FREM2: variants seen among roughly 807,000 people sequenced by gnomAD.
The protein encoded by FREM2 is FRAS1 related extracellular matrix 2.
Under a neutral mutation model 219.9 loss-of-function variants are expected in FREM2, and 119 were observed. The ratio of observed to expected loss-of-function variants is 0.54; its 90% CI spans 0.47 to 0.63. FREM2 has a LOEUF of 0.63. FREM2 is among the 30% of genes least tolerant of loss of function. FREM2 has a pLI of 0.00. For missense variants in FREM2, 4,030 were observed against 3,993.6 expected (o/e 1.01, Z -0.25); for synonymous variants, 1,562 against 1,522.8 (o/e 1.03, Z -0.60).
In FREM2 at chr13:38,687,331, C is replaced by G. The variant is rs771813936; in HGVS notation, c.-14C>G. ...GCTCTCAGGCTGACCTGTCCAAGCC[C>G]GAACACCGGGACCATGCACTCAGCC... is the stretch of plus-strand genomic sequence containing the variant. On this transcript the variant is annotated 5_prime_UTR_variant, in exon 1 of 24. Transcript: ENST00000280481. 3 of 1,591,228 alleles carry G rather than the reference C, an allele frequency of 1.9e-6. No individual in the cohort carries two copies. The highest frequency in any genetic ancestry group is 1.7e-4 in the Middle Eastern group (1 of 6,026).
intron 6 of FREM2, among the ~76,000 whole-genome samples, chr13:38,826,776 A>G (rs945543061): frequency 6.6e-6 from 1 of 152,144 alleles, no homozygotes; most frequent in Non-Finnish European, 1.5e-5. Context: ...TATAAAATTT[A>G]CTTTAGTTAG....
chr13:38,691,435 T>C lies in FREM2; in HGVS notation c.4091T>C (p.Ile1364Thr), dbSNP rs1236629587. The C allele has an allele frequency of 1.7e-5, 28 of 1,614,026 alleles. No individual in the cohort carries two copies. The highest frequency in any genetic ancestry group is 2.4e-5 in the Non-Finnish European group (28 of 1,180,032). The change falls in exon 1 of 24, where the codon ATC becomes ACC. Residue 1364 changes from isoleucine (I) to threonine (T), a missense_variant. Ile to Thr is a moderately conservative substitution (Grantham distance 89). Coordinates refer to ENST00000280481, the MANE Select transcript of FREM2 (RefSeq NM_207361.6). ...AAACCTACTGGTGCCTTTGAAAATA[T>C]CACACTGGGCATGAATTTTACCCAG... ...RRKPTGAFEN[I>T]TLGMNFTQDE...
chr13:38,733,692 G>A (rs1012257368), intron 2 of FREM2, among the ~76,000 whole-genome samples: 2 of 151,856 alleles, frequency 1.3e-5, no homozygotes, highest in African/African-American at 4.8e-5. Context: ...ATTTTATTTT[G>A]AGACAGGGTC....
intron 16 of FREM2, among the ~76,000 whole-genome samples, chr13:38,866,035 C>A (rs1021261605): frequency 1.3e-5 from 2 of 152,154 alleles, no homozygotes; most frequent in African/African-American, 4.8e-5. Context: ...TCTCTACTTC[C>A]TTCATGTCTT....
chr13:38,815,396 A>T (rs1261123146), intron 6 of FREM2, among the ~76,000 whole-genome samples: 2 of 152,224 alleles, frequency 1.3e-5, no homozygotes, highest in Non-Finnish European at 2.9e-5. Context: ...AGCTAAAAAA[A>T]TTCAGAAGAT....
chr13:38,690,055 A>G lies in FREM2; in HGVS notation c.2711A>G (p.His904Arg), dbSNP rs1025301678. 11 of 1,613,992 alleles carry G rather than the reference A, an allele frequency of 6.8e-6. No individual in the cohort carries two copies. Among genetic ancestry groups the G allele is most frequent in the East Asian group, 2.2e-5 (1 of 44,872 alleles). Reference sequence around the variant, plus strand: ...AAACAGGGCCGAGTTTCCTATGCCCATAATGGGGACAAGTCCCTGACTGAT... The same window carrying G: ...AAACAGGGCCGAGTTTCCTATGCCCGTAATGGGGACAAGTCCCTGACTGAT... ...DIKQGRVSYA[H>R]NGDKSLTDSC... Residue 904 changes from histidine to arginine, a missense_variant, in exon 1 of 24, where the codon CAT (histidine) becomes CGT (arginine). Transcript: ENST00000280481.
intron 2 of FREM2, among the ~76,000 whole-genome samples, chr13:38,743,424 C>T (rs1242100559): frequency 6.6e-6 from 1 of 151,988 alleles, no homozygotes. Context: ...AGGCCCCCAG[C>T]AGATTTCAAA....
chr13:38,687,662 G>T lies in FREM2; in HGVS notation c.318G>T (p.Ala106=), dbSNP rs1469145913. 1 of 1,605,328 alleles carries T rather than the reference G, an allele frequency of 6.2e-7. No homozygotes were observed. The highest frequency in any genetic ancestry group is 8.5e-7 in the Non-Finnish European group (1 of 1,175,464). The change falls in exon 1 of 24, where the codon GCG becomes GCT. Residue 106 remains alanine, a synonymous_variant. Coordinates refer to ENST00000280481, the MANE Select transcript of FREM2 (RefSeq NM_207361.6). ...AGGTGCAGCCCGGGGACCGCTGCGC[G>T]GTTTCGGTACTAGACAACGACGCAC... The part of the protein sequence containing the change: ...VLQVQPGDRC[A]VSVLDNDALA...
At chr13:38,857,210 A>G (rs529206685) in intron 12 of FREM2, among the ~76,000 whole-genome samples, 6 of 152,334 alleles carry the variant, frequency 3.9e-5, no homozygotes, top group African/African-American at 1.4e-4. Flanking sequence ...TTTTAAAAAT[A>G]TACACGTAAA....
intron 2 of FREM2, among the ~76,000 whole-genome samples, chr13:38,709,882 G>A (rs753334835): frequency 6.6e-6 from 1 of 151,864 alleles, no homozygotes; most frequent in Non-Finnish European, 1.5e-5. Flanking sequence ...GGTGGCTCAT[G>A]CCTATAATCC....
Position 38,689,207 on chromosome 13 carries a change from G to T in FREM2, c.1863G>T (p.Lys621Asn). The T allele has an allele frequency of 6.2e-7, 1 of 1,614,130 alleles. No individual in the cohort carries two copies. The highest frequency in any genetic ancestry group is 1.3e-5 in the African/African-American group (1 of 75,050). The change falls in exon 1 of 24, where the codon AAG (lysine) becomes AAT (asparagine). Residue 621 changes from lysine to asparagine, a missense_variant. Around this residue, in one of 2 missense-constraint regions of FREM2, gnomAD observed 3,102 missense variants for 2,950.7 expected, o/e 1.05. Transcript: ENST00000280481. Reference protein sequence around the residue: ...LLRQTHPPHEKQELLRGLWRK... With the variant: ...LLRQTHPPHENQELLRGLWRK... ...GCCAAACTCACCCTCCCCATGAGAA[G>T]CAGGAACTTCTCAGAGGCCTTTGGA...
intron 6 of FREM2, among the ~76,000 whole-genome samples, chr13:38,801,485 T>C (rs1875004777): frequency 6.6e-6 from 1 of 152,244 alleles, no homozygotes. Context: ...TTTACTTTTT[T>C]AGGTGATGAC....
At chr13:38,792,954 T>G (rs1332403984) in intron 6 of FREM2, among the ~76,000 whole-genome samples, 1 of 152,218 alleles carries the variant, frequency 6.6e-6, no homozygotes, top group Non-Finnish European at 1.5e-5. Flanking sequence ...AGTTTTTGAC[T>G]TAATAATGTA....
chr13:38,695,820 A>C (rs111999826), intron 1 of FREM2, among the ~76,000 whole-genome samples: 1,683 of 152,300 alleles, frequency 0.011, 33 homozygotes, highest in African/African-American at 0.038. Flanking sequence ...TACAAGTGTG[A>C]TCTACCTACT....
intron 3 of FREM2, among the ~76,000 whole-genome samples, chr13:38,768,237 A>T (rs552679713): frequency 2.9e-4 from 44 of 152,340 alleles, no homozygotes; most frequent in Middle Eastern, 3.4e-3. Context: ...TAAAAAATCT[A>T]TCACAAGACT....
At chr13:38,821,511 G>C (rs1876053891) in intron 6 of FREM2, among the ~76,000 whole-genome samples, 1 of 152,020 alleles carries the variant, frequency 6.6e-6, no homozygotes, top group African/African-American at 2.4e-5. Context: ...GATGGATGAA[G>C]CTTTTCCTTC....
chr13:38,753,777 G>T (rs747500239), intron 2 of FREM2, among the ~76,000 whole-genome samples: 1 of 152,116 alleles, frequency 6.6e-6, no homozygotes, highest in Non-Finnish European at 1.5e-5. Context: ...ATGCATACCA[G>T]CAGTACAGAC....
chr13:38,691,182 A>G lies in FREM2; in HGVS notation c.3838A>G (p.Lys1280Glu). ...GACCCAGGAAGACAGTTTTGTGATT[A>G]AACTAACAGATGGGAAGCACTCTGT... ...SETQEDSFVI[K>E]LTDGKHSVEK... The change falls in exon 1 of 24, where the codon AAA (lysine) becomes GAA (glutamate). Residue 1280 changes from lysine to glutamate, a missense_variant. By Grantham distance (56) the Lys-to-Glu change is moderately conservative. Coordinates refer to ENST00000280481, the MANE Select transcript of FREM2 (RefSeq NM_207361.6). The G allele has an allele frequency of 1.9e-6, 3 of 1,614,086 alleles. No individual in the cohort carries two copies. The highest frequency in any genetic ancestry group is 2.5e-6 in the Non-Finnish European group (3 of 1,180,018).
At chr13:38,819,309 C>T (rs578253155) in intron 6 of FREM2, among the ~76,000 whole-genome samples, 1 of 152,298 alleles carries the variant, frequency 6.6e-6, no homozygotes, top group South Asian at 2.1e-4. Context: ...CAAGCAGCCA[C>T]TTGAATTTCT....
Sources: gnomAD v4.1 joint callset for allele counts (sites outside exome capture counted in the v4.1 genomes callset) on GRCh38, gnomAD v4.1.1 for gene constraint, gnomAD v4.1.1 regional missense constraint, MANE v1.5 for transcripts, NCBI Gene and HGNC (gene_info 2026-07-23, HGNC 2026-07-21) for gene names.